CUX1: variants seen among roughly 807,000 people sequenced by gnomAD.
CUX1 encodes the protein protein CASP.
Under a neutral mutation model 158.8 loss-of-function variants are expected in CUX1, and 31 were observed. The observed-to-expected ratio is 0.20, with a 90% confidence interval of 0.15 to 0.26. The LOEUF (loss-of-function observed/expected upper bound fraction) is 0.26, where lower values mean the gene tolerates loss of function less well. Ranked by LOEUF, CUX1 falls within the 10% of genes least tolerant of loss-of-function variation. The pLI is 1.00. For missense variants in CUX1, 1,589 were observed against 2,014.6 expected (o/e 0.79, Z 4.04); for synonymous variants, 879 against 862.1 (o/e 1.02, Z -0.34).
intron 7 of CUX1, 68 bp downstream of exon 7, chr7:102,111,842 T>G: frequency 7.0e-7 from 1 of 1,434,074 alleles, no homozygotes; most frequent in Non-Finnish European, 9.8e-7. Context: ...GGTCAGCCCC[T>G]GACCGCCCCG....
chr7:102,085,529 C>T (rs1386373426), intron 4 of CUX1, among the ~76,000 whole-genome samples: 1 of 152,160 alleles, frequency 6.6e-6, no homozygotes, highest in Non-Finnish European at 1.5e-5. Context: ...TTGCTTGTCA[C>T]TCCTTCCTGC....
At chr7:101,929,120 A>T (rs1184753810) in intron 2 of CUX1, among the ~76,000 whole-genome samples, 1 of 151,914 alleles carries the variant, frequency 6.6e-6, no homozygotes, top group African/African-American at 2.4e-5. Context: ...GGGTTGCAGT[A>T]AGCCAAGATC....
intron 21 of CUX1, 36 bp from the exon 22 acceptor site, chr7:102,234,016 G>A (rs782342232): frequency 2.1e-6 from 3 of 1,418,390 alleles, no homozygotes; most frequent in African/African-American, 3.0e-5. Context: ...CTGGCTCTCG[G>A]TGACAATACC....
chr7:102,282,141 C>T (rs1265666413), intron 21 of CUX1, among the ~76,000 whole-genome samples: 1 of 152,160 alleles, frequency 6.6e-6, no homozygotes, highest in African/African-American at 2.4e-5. Flanking sequence ...CCGGGCCGCT[C>T]CGTGAAAGAG....
Position 102,249,274 on chromosome 7 carries a change from TGCGGCCTCCACCAACCCC to T in CUX1, c.*239_*256del. 9.5e-7 allele frequency: 1 copy of T among 1,047,318 alleles called. No individual in the cohort carries two copies. The allele number at this position is 1,047,318 out of a possible 1,614,324, so 64.9% of individuals were successfully genotyped here. A position where few individuals can be genotyped will look rare whatever the true frequency, so the allele number is the denominator to read the frequency against. On this transcript the variant is annotated 3_prime_UTR_variant, in exon 24 of 24. Coordinates refer to ENST00000292535, the MANE Select transcript of CUX1 (RefSeq NM_181552.4). ...CCCACTCTGCGGCCCGGGCCGACCCTGCGGCCTCCACCAACCCCGCGGCCCAGACCCAGCCCGCGGCCT... is the reference window on the plus strand; with the variant it reads ...CCCACTCTGCGGCCCGGGCCGACCCTGCGGCCCAGACCCAGCCCGCGGCCT...
At chr7:101,887,237 T>C (rs1374620721) in intron 1 of CUX1, among the ~76,000 whole-genome samples, 1 of 152,120 alleles carries the variant, frequency 6.6e-6, no homozygotes, top group Admixed American at 6.6e-5. Context: ...TTCTTTCCGA[T>C]GGGGGCAAAA....
At chr7:101,833,204 C>A (rs1428596649) in intron 1 of CUX1, among the ~76,000 whole-genome samples, 3 of 149,848 alleles carry the variant, frequency 2.0e-5, no homozygotes, top group Non-Finnish European at 4.4e-5. Context: ...AGTTCAAGAC[C>A]AGCCTGGGCA....
chr7:102,268,484 C>T (rs1790968789), intron 14 of CUX1, among the ~76,000 whole-genome samples: 1 of 152,150 alleles, frequency 6.6e-6, no homozygotes, highest in Admixed American at 6.6e-5. Context: ...CCTGCTGCCT[C>T]TTCTCAGGGT....
intron 20 of CUX1, among the ~76,000 whole-genome samples, chr7:102,217,766 A>G (rs1797396029): frequency 6.7e-6 from 1 of 150,206 alleles, no homozygotes; most frequent in African/African-American, 2.5e-5. Flanking sequence ...GATGGATGTG[A>G]TGGTGTCTAG....
Position 102,252,204 on chromosome 7 carries a change from C to CT in CUX1, c.*3163dup, listed in dbSNP as rs2132660468. 1 of 985,456 alleles carries CT rather than the reference C, an allele frequency of 1.0e-6. No homozygotes were observed. Among genetic ancestry groups the CT allele is most frequent in the Non-Finnish European group, 1.2e-6 (1 of 829,936 alleles). The allele number at this position is 985,456 out of a possible 1,614,324, so 61.0% of individuals were successfully genotyped here. A position where few individuals can be genotyped will look rare whatever the true frequency, so the allele number is the denominator to read the frequency against. ...TCTGTAATACTTCTAAGAGCTGCCACTAAAATAATACAGCAATCCGTGGCC... is the reference window on the plus strand; with the variant it reads ...TCTGTAATACTTCTAAGAGCTGCCACTTAAAATAATACAGCAATCCGTGGCC... On this transcript the variant is annotated 3_prime_UTR_variant, in exon 24 of 24. Transcript: ENST00000292535.
At chr7:102,054,004 C>T (rs905470159) in intron 3 of CUX1, among the ~76,000 whole-genome samples, 27 of 152,036 alleles carry the variant, frequency 1.8e-4, no homozygotes, top group Admixed American at 4.6e-4. Flanking sequence ...AACAGAGTTT[C>T]GCCATGTTGG....
chr7:102,193,690 A>G, intron 12 of CUX1, 152 bp from the exon 13 acceptor site: 1 of 706,036 alleles, frequency 1.4e-6, no homozygotes, highest in Middle Eastern at 3.4e-4. Flanking sequence ...CTGTAATCCC[A>G]GCTACTCGGG....
Position 102,201,946 on chromosome 7 carries a change from C to A in CUX1, c.2649C>A (p.Pro883=), listed in dbSNP as rs2132038428. 3.1e-6 allele frequency: 5 copies of A among 1,614,060 alleles called. No homozygotes were observed. The highest frequency in any genetic ancestry group is 4.2e-6 in the Non-Finnish European group (5 of 1,180,026). ...PSSSEYWKEW[P]SAESPYSQSS... is the part of the protein sequence containing the mutation. Reference sequence around the variant, plus strand: ...CGTCAGAGTACTGGAAGGAGTGGCCCAGCGCTGAGTCCCCATACTCCCAGA... The same window carrying A: ...CGTCAGAGTACTGGAAGGAGTGGCCAAGCGCTGAGTCCCCATACTCCCAGA... The change falls in exon 18 of 24, where the codon CCC becomes CCA. Residue 883 remains proline, a synonymous_variant. Coordinates refer to ENST00000292535, the MANE Select transcript of CUX1 (RefSeq NM_181552.4). The surrounding 1 kb of genome is among the most constrained non-coding windows in gnomAD (Gnocchi z 5.0).
intron 1 of CUX1, among the ~76,000 whole-genome samples, chr7:101,904,970 C>T (rs1802595731): frequency 6.6e-6 from 1 of 152,184 alleles, no homozygotes; most frequent in Admixed American, 6.5e-5. Flanking sequence ...GCTCATTGCA[C>T]TGGGCGTTTT....
chr7:101,858,660 CCTT>C, intron 1 of CUX1, among the ~76,000 whole-genome samples: 1 of 135,330 alleles, frequency 7.4e-6, no homozygotes, highest in Non-Finnish European at 1.6e-5. Context: ...AATGCGAATG[CCTT>C]TTTTTTTTTT....
At chr7:102,075,648 A>G (rs1204587277) in intron 4 of CUX1, among the ~76,000 whole-genome samples, 1 of 152,200 alleles carries the variant, frequency 6.6e-6, no homozygotes, top group African/African-American at 2.4e-5. Flanking sequence ...TACTGTTCCC[A>G]CTGAACCACC....
chr7:101,889,443 C>G (rs969500541), intron 1 of CUX1, among the ~76,000 whole-genome samples: 6 of 152,122 alleles, frequency 3.9e-5, no homozygotes, highest in African/African-American at 9.7e-5. Flanking sequence ...ATAAAATGGC[C>G]TTGAGAAAAG....
rs1392382455 is a variant in CUX1 at position 102,258,029 on chromosome 7, G to A, written c.*8987G>A. ...AAGAGTCAAAGTTGACCTGGCTGGC[G>A]TGGGGGTGGGGGAGGCACCCGTCGG... On this transcript the variant is annotated 3_prime_UTR_variant, in exon 24 of 24. Transcript: ENST00000292535. The A allele has an allele frequency of 1.0e-5, 10 of 984,608 alleles. No homozygotes were observed. The highest frequency in any genetic ancestry group is 1.2e-5 in the Non-Finnish European group (10 of 829,880). 61.0% of individuals were successfully genotyped at this position (984,608 alleles called of 1,614,324 possible).
rs1792168709 is a variant in CUX1 at position 102,282,648 on chromosome 7, A to G, written c.1903-64A>G. ...ATGTTCCAGGCCAGGCCCAGGGGCC[A>G]TGGGTGGGCTGCAGGGGTGGCCTTG... On this transcript the variant is annotated intron_variant, in intron 21 of 22. Coordinates refer to the CUX1 transcript ENST00000292538. 5.1e-6 allele frequency: 8 copies of G among 1,563,096 alleles called. No homozygotes were observed. In the Admixed American group the frequency reaches 8.8e-5, roughly 17 times the overall value.
Sources: allele counts gnomAD v4.1 joint callset (sites outside exome capture counted in the v4.1 genomes callset), GRCh38; gene constraint gnomAD v4.1.1; non-coding constraint Gnocchi (gnomAD v3.1); transcripts MANE v1.5; gene names NCBI Gene and HGNC (gene_info 2026-07-23, HGNC 2026-07-21).